LRRIQ1: variants seen among roughly 807,000 people sequenced by gnomAD.
LRRIQ1 encodes leucine rich repeats and IQ motif containing 1.
LRRIQ1 carries 210 observed loss-of-function variants against 211.9 expected under a neutral mutation model. The observed-to-expected ratio is 0.99, with a 90% CI of 0.89 to 1.11. The LOEUF is 1.11. Ranked by LOEUF, LRRIQ1 falls within the 50% of genes most tolerant of loss-of-function variation. The probability of loss-of-function intolerance (pLI) is 0.00; values close to 1 mark genes in which losing one functional copy is unlikely to be tolerated. For synonymous variants in LRRIQ1, 699 were observed against 650.1 expected (o/e 1.08, Z -1.14); for missense variants, 2,136 against 1,939.5 (o/e 1.10, Z -1.90).
intron 8 of LRRIQ1, among the ~76,000 whole-genome samples, chr12:85,064,796 A>G (rs1231321696): frequency 6.6e-6 from 1 of 151,654 alleles, no homozygotes; most frequent in Non-Finnish European, 1.5e-5. Flanking sequence ...CCTTTCTCCA[A>G]TGTATGTTCT....
At chr12:85,268,443 C>G (rs920902523), downstream of LRRIQ1, among the ~76,000 whole-genome samples, 1 of 151,876 alleles carries the variant, frequency 6.6e-6, no homozygotes, top group African/African-American at 2.4e-5. Flanking sequence ...TTTCCACCAC[C>G]AGGATCCCAA....
At chr12:85,045,955 T>C (rs1565782429) in intron 4 of LRRIQ1, 65 bp from the exon 5 acceptor site, 4 of 851,684 alleles carry the variant, frequency 4.7e-6, no homozygotes, top group East Asian at 2.5e-5. Context: ...AATGTATTAT[T>C]AAAACGACAG....
chr12:85,241,946 G>A (rs1438612367), intron 26 of LRRIQ1, among the ~76,000 whole-genome samples: 1 of 151,966 alleles, frequency 6.6e-6, no homozygotes, highest in Non-Finnish European at 1.5e-5. Flanking sequence ...GAATCCAAAT[G>A]CTTGGAAAGT....
Position 85,038,236 on chromosome 12 carries a change from C to T in LRRIQ1, c.60C>T (p.Ser20=), listed in dbSNP as rs899528349. The T allele has an allele frequency of 6.3e-7, 1 of 1,585,914 alleles. No homozygotes were observed. Among genetic ancestry groups the T allele is most frequent in the Non-Finnish European group, 8.6e-7 (1 of 1,164,478 alleles). The change falls in exon 2 of 27, where the codon AGC becomes AGT. Residue 20 remains serine, a synonymous_variant. Transcript: ENST00000393217. ...TAGAAGCTGAATTGGATAAACTCAG[C>T]ATTTCCTCCTTGGAAAAAGAAGACA... The part of the protein sequence containing the change: ...AEIEAELDKL[S]ISSLEKEDIE...
At chr12:85,261,694 A>G (rs983278732) in intron 1 of LRRIQ1, among the ~76,000 whole-genome samples, 2 of 151,964 alleles carry the variant, frequency 1.3e-5, no homozygotes, top group African/African-American at 4.8e-5. Context: ...CCCCACAGAT[A>G]CAGCCCTGTG....
downstream of LRRIQ1, among the ~76,000 whole-genome samples, chr12:85,266,503 T>C (rs1176721919): frequency 6.6e-6 from 1 of 152,144 alleles, no homozygotes; most frequent in Non-Finnish European, 1.5e-5. Flanking sequence ...TCATCTACAT[T>C]ACTGGGAACC....
chr12:85,104,573 A>G (rs1210628567), intron 14 of LRRIQ1, among the ~76,000 whole-genome samples: 1 of 151,684 alleles, frequency 6.6e-6, no homozygotes, highest in Non-Finnish European at 1.5e-5. Context: ...TTTTTTCTAC[A>G]ACTTTCTTTG....
chr12:85,077,245 G>C (rs760509640), intron 11 of LRRIQ1, among the ~76,000 whole-genome samples: 49 of 152,250 alleles, frequency 3.2e-4, no homozygotes, highest in Non-Finnish European at 5.9e-4. Context: ...TCATTTCTGT[G>C]GGAAGAATTA....
intron 14 of LRRIQ1, among the ~76,000 whole-genome samples, chr12:85,105,001 C>T (rs986410977): frequency 6.6e-5 from 10 of 151,964 alleles, no homozygotes; most frequent in South Asian, 2.1e-4. Context: ...TGAATAAAGA[C>T]GTTGAACTTC....
intron 24 of LRRIQ1, among the ~76,000 whole-genome samples, chr12:85,192,691 A>ATTATATATAAAT (rs1892617415): frequency 6.0e-5 from 3 of 50,112 alleles, no homozygotes; most frequent in East Asian, 1.0e-3. Context: ...ATTATATATA[A>ATTATATATAAAT]ATATATAGTT....
At chr12:85,198,067 AT>A (rs1389152503) in intron 24 of LRRIQ1, among the ~76,000 whole-genome samples, 1 of 95,752 alleles carries the variant, frequency 1.0e-5, no homozygotes, top group African/African-American at 4.8e-5. Flanking sequence ...TATATAACAT[AT>A]TATTTATATA....
intron 24 of LRRIQ1, among the ~76,000 whole-genome samples, chr12:85,166,790 ATAAT>A (rs1394157160): frequency 6.6e-6 from 1 of 152,242 alleles, no homozygotes; most frequent in Admixed American, 6.5e-5. Flanking sequence ...GCAAGATTCA[ATAAT>A]TAGTCAAAAT....
At chr12:85,097,422 C>T in intron 11 of LRRIQ1, among the ~76,000 whole-genome samples, 1 of 150,906 alleles carries the variant, frequency 6.6e-6, no homozygotes, top group Non-Finnish European at 1.5e-5. Flanking sequence ...CCCCACCCTA[C>T]CACAGGCCCC....
chr12:85,104,062 C>A lies in LRRIQ1; in HGVS notation c.3268C>A (p.His1090Asn). 1 of 1,547,858 alleles carries A rather than the reference C, an allele frequency of 6.5e-7. No individual in the cohort carries two copies. The highest frequency in any genetic ancestry group is 8.7e-7 in the Non-Finnish European group (1 of 1,144,318). The change falls in exon 14 of 27, where the codon CAC becomes AAC. Residue 1090 changes from histidine to asparagine, a missense_variant. Physicochemically the swap from His to Asn is moderately conservative, Grantham distance 68 (BLOSUM62 1). Transcript: ENST00000393217. ...FVSLEKLDVS[H>N]NCLSDLKSAI... is the part of the protein sequence containing the mutation. ...TTCATTGGAAAAGCTAGATGTCAGC[C>A]ACAATTGTCTTTCTGGTAAGTTTAG...
intron 21 of LRRIQ1, 112 bp downstream of exon 21, chr12:85,153,257 CAG>C (rs1014233286): frequency 4.6e-6 from 5 of 1,094,686 alleles, no homozygotes; most frequent in South Asian, 1.6e-5. Context: ...GTTTAGGAAA[CAG>C]AATATTTAGT....
chr12:85,260,016 A>G (rs942496239), intron 1 of LRRIQ1, among the ~76,000 whole-genome samples: 3 of 151,628 alleles, frequency 2.0e-5, no homozygotes, highest in African/African-American at 4.8e-5. Context: ...CTTTAATGCA[A>G]TTCAGTCTAT....
chr12:85,054,172 T>A (rs1444497658), intron 7 of LRRIQ1, among the ~76,000 whole-genome samples: 2 of 152,194 alleles, frequency 1.3e-5, no homozygotes, highest in African/African-American at 4.8e-5. Flanking sequence ...TCTCTGAGTG[T>A]TTAAGATATG....
intron 10 of LRRIQ1, among the ~76,000 whole-genome samples, chr12:85,069,568 G>A (rs1882844084): frequency 6.6e-6 from 1 of 151,920 alleles, no homozygotes; most frequent in Non-Finnish European, 1.5e-5. Flanking sequence ...CAGTGTAAAA[G>A]TGTTCCTATT....
chr12:85,211,376 C>T (rs1164460431), intron 24 of LRRIQ1, among the ~76,000 whole-genome samples: 2 of 152,088 alleles, frequency 1.3e-5, no homozygotes, highest in East Asian at 3.8e-4. Context: ...GCTTCTTACC[C>T]ATGTCGTAGT....
Sources: gnomAD v4.1 joint callset for allele counts (sites outside exome capture counted in the v4.1 genomes callset) on GRCh38, gnomAD v4.1.1 for gene constraint, MANE v1.5 for transcripts, NCBI Gene and HGNC (gene_info 2026-07-23, HGNC 2026-07-21) for gene names.